The following SEMA3A variants were observed in gnomAD, a reference collection of about 807,000 sequenced individuals.
SEMA3A encodes semaphorin-3A.
SEMA3A carries 29 observed loss-of-function variants against 97.9 expected under a neutral mutation model. The ratio of observed to expected loss-of-function variants is 0.30; its 90% CI spans 0.22 to 0.40. The LOEUF is 0.40. Ranked by LOEUF, SEMA3A falls within the 10% of genes least tolerant of loss-of-function variation. The probability of loss-of-function intolerance (pLI) is 1.00; values close to 1 mark genes in which losing one functional copy is unlikely to be tolerated. For missense variants in SEMA3A, 763 were observed against 951.3 expected, an observed-to-expected ratio of 0.80 and a Z score of 2.60; for synonymous variants, 321 against 323.7, an observed-to-expected ratio of 0.99 and a Z score of 0.09.
At chr7:84,039,964 A>G (rs1472525158) in intron 6 of SEMA3A, among the ~76,000 whole-genome samples, 4 of 152,036 alleles carry the variant, frequency 2.6e-5, no homozygotes, top group Non-Finnish European at 5.9e-5. Context: ...TTTATAGGGC[A>G]TCTGAGAATT....
At position 83,957,183 on chromosome 7, in the gene SEMA3A, A is replaced by C. The variant is rs956187533; in HGVS notation, c.*4188T>G. 6.6e-6 allele frequency: 1 copy of C among 152,164 alleles called. No homozygotes were observed. The highest frequency in any genetic ancestry group is 2.4e-5 in the African/African-American group (1 of 41,446). 9.4% of individuals were successfully genotyped at this position (152,164 alleles called of 1,614,324 possible). On this transcript the variant is annotated 3_prime_UTR_variant, in exon 17 of 17. Transcript: ENST00000265362. The stretch of plus-strand genomic sequence containing the variant: ...GGTATATACAAGGCACAGGTTTAGC[A>C]TAGAGAAGGTCCCTAGCTTGAACTA...
At chr7:84,455,317 G>T (rs984097341) in intron 1 of SEMA3A, among the ~76,000 whole-genome samples, 2 of 151,856 alleles carry the variant, frequency 1.3e-5, no homozygotes, top group African/African-American at 4.8e-5. Flanking sequence ...TACTTGCAAT[G>T]CATTCTTTTC....
intron 3 of SEMA3A, among the ~76,000 whole-genome samples, chr7:84,224,177 G>A (rs556794025): frequency 3.3e-5 from 5 of 151,810 alleles, no homozygotes; most frequent in South Asian, 2.1e-4. Context: ...ATTTAAAGGC[G>A]ACTAATTTAT....
intron 4 of SEMA3A, among the ~76,000 whole-genome samples, chr7:84,072,503 A>G (rs1793777383): frequency 6.6e-6 from 1 of 152,090 alleles, no homozygotes; most frequent in South Asian, 2.1e-4. Context: ...TGTGAAATAT[A>G]ATTTTCTGTT....
rs1460104047 is a variant in SEMA3A at position 84,143,943 on chromosome 7, T to TAACACA, written c.113-8993_113-8992insTGTGTT. On this transcript the variant is annotated intron_variant, in intron 1 of 16. Transcript: ENST00000265362. ...TAATCTCTCTCTCTCTCTCTCTCTC[T>TAACACA]CTCTCTAACACACACACACACACAC... 1.4e-3 allele frequency among the ~76,000 whole-genome samples: 175 copies of TAACACA among 126,856 alleles called. 1 individual carries two copies. The highest frequency in any genetic ancestry group is 2.8e-3 in the East Asian group (11 of 3,938). 83.2% of individuals were successfully genotyped at this position (126,856 alleles called of 152,430 possible). A position where few individuals can be genotyped will look rare whatever the true frequency, so the allele number is the denominator to read the frequency against.
chr7:84,243,155 G>A (rs1474982866), intron 3 of SEMA3A, among the ~76,000 whole-genome samples: 2 of 152,118 alleles, frequency 1.3e-5, no homozygotes, highest in Non-Finnish European at 2.9e-5. Context: ...GGATGATGCT[G>A]GCCTCATAAA....
chr7:83,965,635 TATATATATATATATATATATATATA>T (rs2116263685), intron 15 of SEMA3A, among the ~76,000 whole-genome samples: 1 of 6,262 alleles, frequency 1.6e-4, no homozygotes, highest in Non-Finnish European at 2.9e-4. Flanking sequence ...TGCATATATA[TATATATATATATATATATATATATA>T]TATATATTTT....
At chr7:84,377,628 A>G (rs1803137890) in intron 1 of SEMA3A, among the ~76,000 whole-genome samples, 1 of 152,088 alleles carries the variant, frequency 6.6e-6, no homozygotes, top group Non-Finnish European at 1.5e-5. Context: ...GGAATAAGGG[A>G]CCCTGTTTGA....
chr7:84,285,067 T>C (rs916833230), intron 3 of SEMA3A, among the ~76,000 whole-genome samples: 2 of 152,188 alleles, frequency 1.3e-5, no homozygotes, highest in East Asian at 3.9e-4. Flanking sequence ...TTTTTGACAA[T>C]GTAACCAAAG....
At chr7:84,336,961 C>T (rs902302420) in intron 2 of SEMA3A, among the ~76,000 whole-genome samples, 5 of 152,046 alleles carry the variant, frequency 3.3e-5, no homozygotes, top group African/African-American at 1.2e-4. Flanking sequence ...CTTCCCTAGA[C>T]TTGAAGTTAT....
At chr7:84,361,965 C>T (rs1213999020) in intron 2 of SEMA3A, among the ~76,000 whole-genome samples, 2 of 151,802 alleles carry the variant, frequency 1.3e-5, no homozygotes, top group African/African-American at 4.8e-5. Context: ...CAGATTATAG[C>T]TTTCAGTTGT....
At chr7:84,022,194 C>A (rs2116442712) in intron 6 of SEMA3A, among the ~76,000 whole-genome samples, 1 of 152,170 alleles carries the variant, frequency 6.6e-6, no homozygotes, top group South Asian at 2.1e-4. Context: ...ACAAGAAATT[C>A]AATAACTTGC....
intron 3 of SEMA3A, among the ~76,000 whole-genome samples, chr7:84,254,316 T>C (rs971809641): frequency 1.3e-5 from 2 of 152,190 alleles, no homozygotes; most frequent in Non-Finnish European, 2.9e-5. Flanking sequence ...TTAAGATAGC[T>C]GTTAGGTTTT....
chr7:84,215,797 G>A (rs909439511), intron 3 of SEMA3A, among the ~76,000 whole-genome samples: 2 of 152,192 alleles, frequency 1.3e-5, no homozygotes, highest in African/African-American at 4.8e-5. Flanking sequence ...GAAAATTAAT[G>A]AACTAATTTT....
chr7:84,259,003 C>T (rs997328457), intron 3 of SEMA3A, among the ~76,000 whole-genome samples: 1 of 151,334 alleles, frequency 6.6e-6, no homozygotes, highest in Non-Finnish European at 1.5e-5. Context: ...AACTTAAGTT[C>T]CAGCAAAGAA....
intron 12 of SEMA3A, 118 bp downstream of exon 12, chr7:84,001,837 G>A: frequency 2.0e-6 from 1 of 488,308 alleles, no homozygotes; most frequent in African/African-American, 2.0e-5. Flanking sequence ...TAATTGACAA[G>A]CTAATTAGAA....
rs376783412 is a variant in SEMA3A at position 84,136,960 on chromosome 7, A to AGGAAG, written c.113-2010_113-2009insCTTCC. Among the ~76,000 whole-genome samples the AGGAAG allele has an allele frequency of 1.3e-3, 177 of 141,206 alleles. 1 individual carries two copies. The highest frequency in any genetic ancestry group is 8.5e-3 in the East Asian group (40 of 4,708). The allele number at this position is 141,206 out of a possible 152,430, so 92.6% of individuals were successfully genotyped here. A position where few individuals can be genotyped will look rare whatever the true frequency, so the allele number is the denominator to read the frequency against. On this transcript the variant is annotated intron_variant, in intron 1 of 16. Coordinates refer to ENST00000265362, the MANE Select transcript of SEMA3A (RefSeq NM_006080.3). ...AGGGAGGGAGGGAAGGAGGGAGGGA[A>AGGAAG]GAAGGAAGGAAGGAAGGAAGGAAGG...
At chr7:84,029,544 C>G (rs1791662907) in intron 6 of SEMA3A, among the ~76,000 whole-genome samples, 1 of 152,104 alleles carries the variant, frequency 6.6e-6, no homozygotes, top group African/African-American at 2.4e-5. Context: ...CTGCAGGAAG[C>G]TGCCATATTT....
chr7:84,490,199 CAAAAAAA>C lies in SEMA3A; in HGVS notation c.-246+2254_-246+2260del, dbSNP rs35030948. 7.9e-5 allele frequency among the ~76,000 whole-genome samples: 8 copies of C among 101,026 alleles called. No homozygotes were observed. In the South Asian group the frequency reaches 1.4e-3, roughly 18 times the overall value. 66.3% of individuals were successfully genotyped at this position (101,026 alleles called of 152,430 possible). On this transcript the variant is annotated intron_variant, in intron 1 of 3. Transcript: ENST00000424555. ...GGATATAACCACAATGCTTTTCCAG[CAAAAAAA>C]AAAAAAAAAAAAATTAACTGGAAAG... is the stretch of plus-strand genomic sequence containing the variant.
Sources: allele counts gnomAD v4.1 joint callset (sites outside exome capture counted in the v4.1 genomes callset), GRCh38; gene constraint gnomAD v4.1.1; transcripts MANE v1.5; gene names NCBI Gene and HGNC (gene_info 2026-07-23, HGNC 2026-07-21).